The following MAMDC2 variants were observed in gnomAD, a reference collection of about 807,000 sequenced individuals.
MAMDC2 encodes MAM domain-containing protein 2.
Under a neutral mutation model 89.8 loss-of-function variants are expected in MAMDC2, and 57 were observed. The observed-to-expected ratio is 0.63, with a 90% confidence interval of 0.51 to 0.79. The LOEUF (loss-of-function observed/expected upper bound fraction) is 0.79, where lower values mean the gene tolerates loss of function less well. MAMDC2 is among the 30% of genes least tolerant of loss of function. The pLI, the probability that MAMDC2 is intolerant of heterozygous loss-of-function variation, is 0.00. For synonymous variants in MAMDC2, 313 were observed against 293.4 expected, an observed-to-expected ratio of 1.07 and a Z score of -0.68; for missense variants, 800 against 820.6, an observed-to-expected ratio of 0.97 and a Z score of 0.31.
intron 11 of MAMDC2, among the ~76,000 whole-genome samples, chr9:70,185,778 T>G (rs992892586): frequency 6.6e-6 from 1 of 152,170 alleles, no homozygotes; most frequent in Non-Finnish European, 1.5e-5. Context: ...TATGCTGGCA[T>G]TGAGAATTTC....
intron 11 of MAMDC2, among the ~76,000 whole-genome samples, chr9:70,180,310 G>A (rs2032612926): frequency 6.6e-6 from 1 of 152,152 alleles, no homozygotes; most frequent in Non-Finnish European, 1.5e-5. Context: ...TGTAAATAGT[G>A]CTGCAGTAAA....
rs563690660 is a variant in MAMDC2 at position 70,168,579 on chromosome 9, G to A, written c.1405-123G>A. 1.4e-5 allele frequency: 9 copies of A among 663,812 alleles called. No individual in the cohort carries two copies. In the East Asian group the frequency reaches 2.2e-4, roughly 16 times the overall value. The allele number at this position is 663,812 out of a possible 1,614,324, so 41.1% of individuals were successfully genotyped here. A position where few individuals can be genotyped will look rare whatever the true frequency, so the allele number is the denominator to read the frequency against. Reference sequence around the variant, plus strand: ...TCCTACTGTGTTCTGTTGTTCATACGGACGCTGAAGAGCTGCTTGTAGTTT... The same window carrying A: ...TCCTACTGTGTTCTGTTGTTCATACAGACGCTGAAGAGCTGCTTGTAGTTT... On this transcript the variant is annotated intron_variant, in intron 9 of 13. Transcript: ENST00000377182.
chr9:70,060,593 A>G (rs545606396), intron 2 of MAMDC2: 1 of 152,320 alleles, frequency 6.6e-6, no homozygotes, highest in Admixed American at 6.5e-5. Context: ...TCTTCTTTTG[A>G]CAAATCTAGA....
intron 2 of MAMDC2, among the ~76,000 whole-genome samples, chr9:70,052,909 A>G (rs1587426666): frequency 2.0e-5 from 3 of 152,180 alleles, no homozygotes; most frequent in African/African-American, 7.2e-5. Flanking sequence ...TAATTTGCCA[A>G]TGGACAAAAA....
chr9:70,106,810 C>T (rs1222570223), intron 2 of MAMDC2, among the ~76,000 whole-genome samples: 9 of 152,128 alleles, frequency 5.9e-5, no homozygotes, highest in African/African-American at 1.9e-4. Context: ...ATCCTTCAGT[C>T]GGCAAGAAAG....
At chr9:70,111,069 G>A (rs975555431) in intron 4 of MAMDC2, among the ~76,000 whole-genome samples, 2 of 152,202 alleles carry the variant, frequency 1.3e-5, no homozygotes, top group Non-Finnish European at 2.9e-5. Context: ...TGAAGATACA[G>A]TGAGGCTCAG....
Position 70,126,403 on chromosome 9 carries a change from T to C in MAMDC2, c.888T>C (p.Pro296=). 6.2e-7 allele frequency: 1 copy of C among 1,613,094 alleles called. No individual in the cohort carries two copies. Among genetic ancestry groups the C allele is most frequent in the Non-Finnish European group, 8.5e-7 (1 of 1,179,718 alleles). ...WNLAEVEFSA[P]YPMEVIFEVA... is the part of the protein sequence containing the mutation. ...TTGCGGAGGTCGAGTTCAGTGCTCC[T>C]TACCCCATGGAGGTAGGTGTACTGG... The change falls in exon 6 of 14, where the codon CCT becomes CCC. Residue 296 remains proline (P), a synonymous_variant. Coordinates refer to ENST00000377182, the MANE Select transcript of MAMDC2 (RefSeq NM_153267.5).
At chr9:70,188,905 T>A (rs1462945221) in intron 11 of MAMDC2, among the ~76,000 whole-genome samples, 1 of 151,246 alleles carries the variant, frequency 6.6e-6, no homozygotes, top group Non-Finnish European at 1.5e-5. Flanking sequence ...CTCCTGGCCC[T>A]CAATTAATAA....
At chr9:70,115,968 G>C (rs1417775215) in intron 5 of MAMDC2, among the ~76,000 whole-genome samples, 1 of 152,154 alleles carries the variant, frequency 6.6e-6, no homozygotes, top group East Asian at 1.9e-4. Context: ...TTTTGCGATT[G>C]TTTTTCTGTC....
At chr9:70,046,175 G>T (rs1001464465) in intron 2 of MAMDC2, among the ~76,000 whole-genome samples, 1 of 152,236 alleles carries the variant, frequency 6.6e-6, no homozygotes, top group African/African-American at 2.4e-5. Flanking sequence ...ACAGATTGCT[G>T]GGCCCCACTT....
intron 2 of MAMDC2, among the ~76,000 whole-genome samples, chr9:70,054,157 A>G (rs933474104): frequency 3.9e-5 from 6 of 152,166 alleles, no homozygotes; most frequent in Admixed American, 6.5e-5. Context: ...GCATTGATGT[A>G]AGAATCTAAA....
At chr9:70,162,636 G>A (rs1213165137) in intron 9 of MAMDC2, among the ~76,000 whole-genome samples, 1 of 151,894 alleles carries the variant, frequency 6.6e-6, no homozygotes, top group Non-Finnish European at 1.5e-5. Flanking sequence ...AACTACAGGT[G>A]TACACCACCG....
At chr9:70,101,277 AAG>A (rs1828186065) in intron 2 of MAMDC2, among the ~76,000 whole-genome samples, 1 of 152,226 alleles carries the variant, frequency 6.6e-6, no homozygotes, top group South Asian at 2.1e-4. Context: ...GTTGTTACAT[AAG>A]AGTCAAATGT....
intron 11 of MAMDC2, among the ~76,000 whole-genome samples, chr9:70,194,722 A>G (rs1042204229): frequency 6.6e-5 from 10 of 152,120 alleles, no homozygotes; most frequent in African/African-American, 2.4e-4. Flanking sequence ...ATTGAATGGT[A>G]TTATTATTTT....
chr9:70,156,032 C>A (rs1286670913), intron 9 of MAMDC2, among the ~76,000 whole-genome samples: 1 of 152,130 alleles, frequency 6.6e-6, no homozygotes, highest in Non-Finnish European at 1.5e-5. Flanking sequence ...TTCTGTGAAA[C>A]AAGGACATGT....
chr9:70,143,364 G>A (rs2031289703), intron 8 of MAMDC2, among the ~76,000 whole-genome samples, 190 bp from the exon 9 acceptor site: 1 of 152,200 alleles, frequency 6.6e-6, no homozygotes, highest in Non-Finnish European at 1.5e-5. Flanking sequence ...AGAATTGAAT[G>A]AGGTATCATT....
intron 5 of MAMDC2, 121 bp from the exon 6 acceptor site, chr9:70,126,038 A>T: frequency 1.8e-6 from 2 of 1,107,680 alleles, no homozygotes; most frequent in Non-Finnish European, 2.6e-6. Flanking sequence ...TAACTCATCC[A>T]CTTCCTCCTC....
chr9:70,180,024 C>T (rs2032604504), intron 11 of MAMDC2, among the ~76,000 whole-genome samples: 2 of 151,734 alleles, frequency 1.3e-5, no homozygotes, highest in South Asian at 2.1e-4. Flanking sequence ...TCCCCCCACC[C>T]CCCAACAGGC....
At chr9:70,106,787 T>A (rs556834405) in intron 2 of MAMDC2, among the ~76,000 whole-genome samples, 56 of 152,222 alleles carry the variant, frequency 3.7e-4, no homozygotes, top group African/African-American at 1.2e-3. Flanking sequence ...AAGAGTTAGA[T>A]CTTGATCTTG....
Sources: allele counts gnomAD v4.1 joint callset (sites outside exome capture counted in the v4.1 genomes callset), GRCh38; gene constraint gnomAD v4.1.1; transcripts MANE v1.5; gene names NCBI Gene and HGNC (gene_info 2026-07-23, HGNC 2026-07-21).